SH3D19: variants seen among roughly 807,000 people sequenced by gnomAD.
The protein encoded by SH3D19 is SH3 domain-containing protein 19.
In SH3D19, 58 loss-of-function variants were observed where a neutral mutation model predicts 112.1. That is an observed-to-expected ratio of 0.52 (90% CI 0.42 to 0.64). SH3D19 has a LOEUF of 0.64. SH3D19 is among the 30% of genes least tolerant of loss of function. The pLI, the probability that SH3D19 is intolerant of heterozygous loss-of-function variation, is 0.00. For missense variants in SH3D19, 1,090 were observed against 1,263.4 expected (o/e 0.86, Z 2.08); for synonymous variants, 391 against 448.5 (o/e 0.87, Z 1.62).
At chr4:151,196,923 A>T (rs1331978148) in intron 2 of SH3D19, among the ~76,000 whole-genome samples, 1 of 152,210 alleles carries the variant, frequency 6.6e-6, no homozygotes, top group Non-Finnish European at 1.5e-5. Context: ...AGAGAAATGC[A>T]AATCAAAACC....
chr4:151,231,590 G>A (rs961616514), intron 1 of SH3D19, among the ~76,000 whole-genome samples: 2 of 152,074 alleles, frequency 1.3e-5, no homozygotes, highest in Non-Finnish European at 2.9e-5. Flanking sequence ...TGTTGTTGCT[G>A]AAATAACACA....
At chr4:151,214,076 A>G (rs1766470054) in intron 2 of SH3D19, among the ~76,000 whole-genome samples, 1 of 148,626 alleles carries the variant, frequency 6.7e-6, no homozygotes, top group South Asian at 2.2e-4. Flanking sequence ...ACTCTTAACG[A>G]GCATGCTGCC....
intron 1 of SH3D19, among the ~76,000 whole-genome samples, chr4:151,283,918 A>G (rs572586800): frequency 3.9e-5 from 6 of 152,300 alleles, no homozygotes; most frequent in Non-Finnish European, 8.8e-5. Flanking sequence ...CCTGGTCATA[A>G]CTGATGAAAA....
chr4:151,150,987 GTC>G (rs1754968929), intron 9 of SH3D19, among the ~76,000 whole-genome samples: 1 of 136,910 alleles, frequency 7.3e-6, no homozygotes, highest in Non-Finnish European at 1.5e-5. Context: ...TGGAGACAGA[GTC>G]TCACTCTGTC....
At chr4:151,184,455 C>T (rs1761423408) in intron 3 of SH3D19, among the ~76,000 whole-genome samples, 1 of 152,184 alleles carries the variant, frequency 6.6e-6, no homozygotes, top group Non-Finnish European at 1.5e-5. Context: ...CTTGCCTAAA[C>T]ATCAGGAATA....
At chr4:151,280,117 G>C (rs1774066242) in intron 1 of SH3D19, among the ~76,000 whole-genome samples, 1 of 152,226 alleles carries the variant, frequency 6.6e-6, no homozygotes, top group Admixed American at 6.5e-5. Flanking sequence ...CTAGAGACAG[G>C]GCATAGAAGT....
intron 7 of SH3D19, among the ~76,000 whole-genome samples, chr4:151,173,889 T>C (rs1259583021): frequency 1.3e-5 from 2 of 152,186 alleles, no homozygotes; most frequent in Non-Finnish European, 2.9e-5. Flanking sequence ...AAAGAAATCT[T>C]ATCAATGACA....
intron 1 of SH3D19, among the ~76,000 whole-genome samples, chr4:151,246,370 C>G (rs1245999286): frequency 6.6e-6 from 1 of 152,136 alleles, no homozygotes; most frequent in Non-Finnish European, 1.5e-5. Flanking sequence ...ATCAAATTAC[C>G]TAGCATTTTC....
chr4:151,253,727 C>A (rs76589116), intron 1 of SH3D19, among the ~76,000 whole-genome samples: 1 of 129,302 alleles, frequency 7.7e-6, no homozygotes, highest in Non-Finnish European at 1.7e-5. Flanking sequence ...GGCGACAGAG[C>A]GAGACTCCGT....
chr4:151,314,495 A>G (rs1316587667), intron 1 of SH3D19, among the ~76,000 whole-genome samples: 5 of 152,212 alleles, frequency 3.3e-5, no homozygotes, highest in African/African-American at 1.2e-4. Flanking sequence ...GGGGCCTCAT[A>G]AAACCTAACT....
chr4:151,163,874 T>C (rs955335147), intron 8 of SH3D19, among the ~76,000 whole-genome samples: 16 of 152,190 alleles, frequency 1.1e-4, no homozygotes, highest in African/African-American at 3.4e-4. Context: ...TGAGCCACCA[T>C]GGCTGGCCTA....
At chr4:151,178,771 T>C (rs994624560) in intron 4 of SH3D19, among the ~76,000 whole-genome samples, 2 of 152,206 alleles carry the variant, frequency 1.3e-5, no homozygotes, top group Non-Finnish European at 2.9e-5. Flanking sequence ...CTCTATCTGA[T>C]TGAATGTCAT....
chr4:151,171,904 AC>A (rs1350153083), intron 7 of SH3D19, among the ~76,000 whole-genome samples: 1 of 152,146 alleles, frequency 6.6e-6, no homozygotes, highest in Non-Finnish European at 1.5e-5. Flanking sequence ...AAGGCATTCT[AC>A]CCAAGAAATG....
At chr4:151,238,190 TAA>T (rs1326223846) in intron 1 of SH3D19, among the ~76,000 whole-genome samples, 5 of 152,190 alleles carry the variant, frequency 3.3e-5, no homozygotes, top group African/African-American at 9.6e-5. Context: ...TTCTAAGACT[TAA>T]GAGAAGAGTC....
chr4:151,313,082 T>C (rs1352439019), intron 1 of SH3D19, among the ~76,000 whole-genome samples: 1 of 103,008 alleles, frequency 9.7e-6, no homozygotes, highest in Non-Finnish European at 2.3e-5. Context: ...AGCGAGACTC[T>C]GTCTCAAAAA....
intron 3 of SH3D19, among the ~76,000 whole-genome samples, chr4:151,186,675 T>G (rs1489949130): frequency 1.3e-5 from 2 of 151,996 alleles, no homozygotes; most frequent in African/African-American, 4.8e-5. Flanking sequence ...CCTCAGGTGA[T>G]CCACCTGCCT....
intron 1 of SH3D19, among the ~76,000 whole-genome samples, chr4:151,269,807 T>A (rs572704888): frequency 2.1e-3 from 311 of 151,328 alleles, no homozygotes; most frequent in African/African-American, 7.1e-3. Context: ...TTTTTAAAAA[T>A]TTTTTATTTT....
At chr4:151,211,219 A>G (rs1347657785) in intron 2 of SH3D19, among the ~76,000 whole-genome samples, 2 of 151,922 alleles carry the variant, frequency 1.3e-5, no homozygotes, top group African/African-American at 2.4e-5. Context: ...GCAGTGAGCC[A>G]AGATTGTGCC....
At chr4:151,308,746 A>G (rs948748205) in intron 1 of SH3D19, among the ~76,000 whole-genome samples, 2 of 152,272 alleles carry the variant, frequency 1.3e-5, no homozygotes, top group Non-Finnish European at 2.9e-5. Context: ...GTCACTAACC[A>G]TAAGGAGCAA....
Sources: allele counts gnomAD v4.1 joint callset (sites outside exome capture counted in the v4.1 genomes callset), GRCh38; gene constraint gnomAD v4.1.1; transcripts MANE v1.5; gene names NCBI Gene and HGNC (gene_info 2026-07-23, HGNC 2026-07-21).